DENND5A: variants seen among roughly 807,000 people sequenced by gnomAD.
DENND5A encodes the protein DENN domain-containing protein 5A.
In DENND5A, 64 loss-of-function variants were observed where a neutral mutation model predicts 140.3. That is an observed-to-expected ratio of 0.46 (90% CI 0.37 to 0.56). DENND5A has a LOEUF of 0.56. DENND5A is among the 20% of genes least tolerant of loss of function. DENND5A has a pLI of 0.00. For synonymous variants in DENND5A, 605 were observed against 607.7 expected (o/e 1.00, Z 0.07); for missense variants, 1,292 against 1,593.8 (o/e 0.81, Z 3.22).
At position 9,166,028 on chromosome 11, in the gene DENND5A, G is replaced by T; in HGVS notation, c.2152-61C>A. The T allele has an allele frequency of 2.0e-6, 3 of 1,505,284 alleles. No homozygotes were observed. The South Asian group carries it at 3.5e-5, about 17-fold the overall frequency. 93.2% of individuals were successfully genotyped at this position (1,505,284 alleles called of 1,614,324 possible). ...CATGTACATAAACCAAAGGTCAGCA[G>T]TACTGGTGGGTGCCTGAAGAGGGCA... On this transcript the variant is annotated intron_variant, in intron 10 of 22. Coordinates refer to ENST00000328194, the MANE Select transcript of DENND5A (RefSeq NM_015213.4).
chr11:9,241,590 C>G (rs554597035), intron 1 of DENND5A, among the ~76,000 whole-genome samples: 11 of 152,288 alleles, frequency 7.2e-5, no homozygotes, highest in Admixed American at 1.3e-4. Flanking sequence ...AGCTTATGGC[C>G]CTCGCACAGG....
At chr11:9,160,550 T>C (rs1255130288) in intron 12 of DENND5A, among the ~76,000 whole-genome samples, 163 bp downstream of exon 12, 1 of 152,206 alleles carries the variant, frequency 6.6e-6, no homozygotes, top group Non-Finnish European at 1.5e-5. Flanking sequence ...TTAAGGAAAA[T>C]AGTTTGGATC....
chr11:9,168,302 T>C (rs1420217908), intron 10 of DENND5A, among the ~76,000 whole-genome samples: 1 of 151,992 alleles, frequency 6.6e-6, no homozygotes, highest in East Asian at 1.9e-4. Flanking sequence ...GATCTGATGG[T>C]TTTATAAGGG....
chr11:9,218,371 G>C lies in DENND5A; in HGVS notation c.110-10739C>G, dbSNP rs561801984. Reference sequence around the variant, plus strand: ...ATTTGAGGAAATATCCTCAGAAGTAGGACAAAATAAATAAAATTAGAGAAA... The same window carrying C: ...ATTTGAGGAAATATCCTCAGAAGTACGACAAAATAAATAAAATTAGAGAAA... On this transcript the variant is annotated intron_variant, in intron 1 of 22. Transcript: ENST00000328194. Among the ~76,000 whole-genome samples the C allele has an allele frequency of 2.0e-5, 3 of 152,188 alleles. No individual in the cohort carries two copies. The South Asian group carries it at 6.2e-4, about 32-fold the overall frequency.
chr11:9,206,050 T>G (rs191247115), intron 3 of DENND5A, among the ~76,000 whole-genome samples: 2 of 152,360 alleles, frequency 1.3e-5, no homozygotes, highest in Admixed American at 1.3e-4. Flanking sequence ...TTTCTTCATC[T>G]GTAAAATATG....
intron 7 of DENND5A, 78 bp downstream of exon 7, chr11:9,178,780 G>C: frequency 8.2e-7 from 1 of 1,221,346 alleles, no homozygotes; most frequent in Non-Finnish European, 1.2e-6. Context: ...ACTTCTTCGA[G>C]TAATTTTCCA....
intron 12 of DENND5A, among the ~76,000 whole-genome samples, chr11:9,158,909 G>T (rs1329097600): frequency 6.6e-6 from 1 of 152,046 alleles, no homozygotes; most frequent in Non-Finnish European, 1.5e-5. Flanking sequence ...AAAAAATCTG[G>T]TTTTTAGTAT....
At position 9,204,266 on chromosome 11, in the gene DENND5A, G is replaced by T. The variant is rs760178089; in HGVS notation, c.343C>A (p.Pro115Thr). 1 of 1,613,764 alleles carries T rather than the reference G, an allele frequency of 6.2e-7. No individual in the cohort carries two copies. Among genetic ancestry groups the T allele is most frequent in the Non-Finnish European group, 8.5e-7 (1 of 1,180,006 alleles). The change falls in exon 4 of 23, where the codon CCC becomes ACC. Residue 115 changes from proline to threonine, a missense_variant. By Grantham distance (38) the Pro-to-Thr change is conservative. Coordinates refer to ENST00000328194, the MANE Select transcript of DENND5A (RefSeq NM_015213.4). ...GTGATAATAAAGGCATGGAATTGGG[G>T]CTCCCTGGGATCAGCCTGGGTCTTG... ...AFKTQADPREPQFHAFIITRE... is the reference protein window; with the variant it reads ...AFKTQADPRETQFHAFIITRE...
chr11:9,199,307 G>A (rs1335527071), intron 4 of DENND5A, among the ~76,000 whole-genome samples: 2 of 151,888 alleles, frequency 1.3e-5, no homozygotes, highest in Non-Finnish European at 2.9e-5. Context: ...GATCAGCCTG[G>A]GCAACATGGC....
At chr11:9,253,203 G>C (rs1056695088) in intron 1 of DENND5A, among the ~76,000 whole-genome samples, 1 of 151,930 alleles carries the variant, frequency 6.6e-6, no homozygotes, top group Non-Finnish European at 1.5e-5. Context: ...TTCCAACAAA[G>C]CCAAAAAACA....
intron 6 of DENND5A, among the ~76,000 whole-genome samples, chr11:9,179,500 C>CTTTTT (rs55812362): frequency 2.9e-5 from 4 of 138,498 alleles, no homozygotes; most frequent in African/African-American, 7.9e-5. Context: ...GCAAAAAAAC[C>CTTTTT]TTTTTTTTTT....
intron 1 of DENND5A, among the ~76,000 whole-genome samples, chr11:9,264,697 T>C (rs1484975783): frequency 2.0e-5 from 3 of 152,164 alleles, no homozygotes; most frequent in Non-Finnish European, 4.4e-5. Flanking sequence ...TACACCAAAC[T>C]GAGAACACAC....
intron 1 of DENND5A, among the ~76,000 whole-genome samples, chr11:9,209,450 A>G (rs1005008868): frequency 2.0e-5 from 3 of 152,200 alleles, no homozygotes; most frequent in African/African-American, 7.2e-5. Flanking sequence ...TCACTGGAGA[A>G]GTGATTGTTA....
chr11:9,169,488 T>C (rs916103257), intron 10 of DENND5A, among the ~76,000 whole-genome samples: 5 of 106,932 alleles, frequency 4.7e-5, no homozygotes, highest in African/African-American at 2.0e-4. Flanking sequence ...TTTTCCTATA[T>C]ACACACGCAC....
intron 1 of DENND5A, among the ~76,000 whole-genome samples, chr11:9,233,956 T>C (rs1850886836): frequency 6.6e-6 from 1 of 152,018 alleles, no homozygotes; most frequent in Non-Finnish European, 1.5e-5. Flanking sequence ...GGTGGGTGGA[T>C]CACTTGAGGT....
intron 1 of DENND5A, among the ~76,000 whole-genome samples, chr11:9,219,508 A>G (rs1240624796): frequency 5.3e-5 from 8 of 151,936 alleles, no homozygotes; most frequent in Middle Eastern, 3.4e-3. Flanking sequence ...CAAAAAAAGA[A>G]TGTATTTTCT....
chr11:9,189,520 T>C (rs531055086), intron 5 of DENND5A, among the ~76,000 whole-genome samples: 51 of 151,604 alleles, frequency 3.4e-4, no homozygotes, highest in African/African-American at 1.1e-3. Flanking sequence ...CGCCAGCCCA[T>C]AAAAGCAGCC....
At chr11:9,246,838 C>T (rs1041954776) in intron 1 of DENND5A, among the ~76,000 whole-genome samples, 2 of 152,130 alleles carry the variant, frequency 1.3e-5, no homozygotes, top group Admixed American at 1.3e-4. Flanking sequence ...TTCAAGACAG[C>T]GCTTCCTTTT....
At chr11:9,257,482 CTTTT>C (rs1281178041) in intron 1 of DENND5A, among the ~76,000 whole-genome samples, 1 of 119,016 alleles carries the variant, frequency 8.4e-6, no homozygotes. Flanking sequence ...ACACAGTATT[CTTTT>C]TTTTTTTTTT....
Sources: gnomAD v4.1 joint callset for allele counts (sites outside exome capture counted in the v4.1 genomes callset) on GRCh38, gnomAD v4.1.1 for gene constraint, MANE v1.5 for transcripts, NCBI Gene and HGNC (gene_info 2026-07-23, HGNC 2026-07-21) for gene names.